Variants in PCDHA3 observed in about 807,000 individuals in gnomAD.
PCDHA3 encodes protocadherin alpha 3, also known as protocadherin alpha-3.
A neutral mutation model predicts 62.2 loss-of-function variants in PCDHA3; 41 were observed. That is an observed-to-expected ratio of 0.66 (90% CI 0.51 to 0.86). The LOEUF (loss-of-function observed/expected upper bound fraction) is 0.86. PCDHA3 is among the 40% of genes least tolerant of loss of function. The probability of loss-of-function intolerance (pLI) is 0.00; values close to 1 mark genes in which losing one functional copy is unlikely to be tolerated. For synonymous variants in PCDHA3, 640 were observed against 555.4 expected (o/e 1.15, Z -2.14); for missense variants, 1,304 against 1,241.2 (o/e 1.05, Z -0.76).
Position 140,807,834 on chromosome 5 carries a change from ATGGAGGCAAACCCGAGT to A in PCDHA3, c.2394+4246_2394+4262del. The A allele has an allele frequency of 1.2e-6, 2 of 1,614,204 alleles. 1 individual carries two copies. The highest frequency in any genetic ancestry group is 4.5e-5 in the East Asian group (2 of 44,888). On this transcript the variant is annotated intron_variant, in intron 1 of 3. Coordinates refer to ENST00000522353, the MANE Select transcript of PCDHA3 (RefSeq NM_018906.3). ...ATTTTTTTAGTGCTCACAGCCACTG[ATGGAGGCAAACCCGAGT>A]TGACTGGCACCGTTCAGTTACTCAT...
chr5:140,858,944 T>TA (rs2045667793), intron 1 of PCDHA3: 1 of 159,332 alleles, frequency 6.3e-6, no homozygotes, highest in Admixed American at 6.4e-5. Context: ...TGTTCAGTGA[T>TA]TACAGCTTTT....
intron 1 of PCDHA3, among the ~76,000 whole-genome samples, chr5:140,837,556 A>G (rs1356770218): frequency 6.6e-6 from 1 of 151,974 alleles, no homozygotes; most frequent in Non-Finnish European, 1.5e-5. Flanking sequence ...GCCAAATTAT[A>G]TAAATATATT....
chr5:140,994,717 A>T (rs1350882833), intron 3 of PCDHA3, among the ~76,000 whole-genome samples: 4 of 152,164 alleles, frequency 2.6e-5, no homozygotes, highest in Admixed American at 6.6e-5. Context: ...AAAAAAATTT[A>T]AAATACTGGG....
chr5:140,898,887 C>T (rs1554188288), intron 1 of PCDHA3, among the ~76,000 whole-genome samples: 1 of 152,028 alleles, frequency 6.6e-6, no homozygotes, highest in Non-Finnish European at 1.5e-5. Context: ...TTGTAGTTCT[C>T]CTTGAAGAGG....
Position 141,009,969 on chromosome 5 carries a change from GT to G in PCDHA3, c.*37del, listed in dbSNP as rs2098415622. On this transcript the variant is annotated 3_prime_UTR_variant, in exon 4 of 4. Coordinates refer to ENST00000522353, the MANE Select transcript of PCDHA3 (RefSeq NM_018906.3). ...CAAATGGAAACAAGCCACTTAGCCA[GT>G]TTTTGTAATAATGGCAAATCTCTCC... 6.3e-7 allele frequency: 1 copy of G among 1,586,478 alleles called. No homozygotes were observed. The highest frequency in any genetic ancestry group is 1.8e-5 in the Admixed American group (1 of 54,174).
rs1272799738 is a variant in PCDHA3 at position 140,969,033 on chromosome 5, T to C, written c.2395-9916T>C. On this transcript the variant is annotated intron_variant, in intron 1 of 3. Coordinates refer to ENST00000522353, the MANE Select transcript of PCDHA3 (RefSeq NM_018906.3). ...GTAAGGGAAAGGTCCCCTGCAGAAC[T>C]GTACAAACAAGCCAACAACAATATT... 5 of 1,614,028 alleles carry C rather than the reference T, an allele frequency of 3.1e-6. No individual in the cohort carries two copies. Among genetic ancestry groups the C allele is most frequent in the Admixed American group, 3.3e-5 (2 of 60,006 alleles).
At chr5:140,832,788 A>C (rs1330713880) in intron 1 of PCDHA3, among the ~76,000 whole-genome samples, 1 of 152,194 alleles carries the variant, frequency 6.6e-6, no homozygotes, top group Non-Finnish European at 1.5e-5. Context: ...AGAAAGGTAC[A>C]TCATAGTGTT....
Position 140,953,939 on chromosome 5 carries a change from A to G in PCDHA3, c.2395-25010A>G, listed in dbSNP as rs544318515. ...TATTCTTCCTGATGCTCTCCCTCCCATTGCTCCCCCAACAGGCCCCAGTGT... is the reference window on the plus strand; with the variant it reads ...TATTCTTCCTGATGCTCTCCCTCCCGTTGCTCCCCCAACAGGCCCCAGTGT... On this transcript the variant is annotated intron_variant, in intron 1 of 3. Coordinates refer to ENST00000522353, the MANE Select transcript of PCDHA3 (RefSeq NM_018906.3). Among the ~76,000 whole-genome samples the G allele has an allele frequency of 2.8e-3, 420 of 151,700 alleles. 4 individuals carry two copies. The highest frequency in any genetic ancestry group is 4.8e-3 in the Non-Finnish European group (324 of 67,900).
intron 1 of PCDHA3, among the ~76,000 whole-genome samples, chr5:140,886,252 C>G (rs1368508838): frequency 6.6e-6 from 1 of 151,858 alleles, no homozygotes; most frequent in Non-Finnish European, 1.5e-5. Flanking sequence ...ATAAAAGTAT[C>G]TCTATTTATA....
intron 1 of PCDHA3, chr5:140,875,264 C>G: frequency 8.4e-7 from 1 of 1,189,324 alleles, no homozygotes; most frequent in Non-Finnish European, 1.1e-6. Flanking sequence ...TGATGTCGCT[C>G]TACACTCAGA....
chr5:140,836,791 G>T (rs780841391), intron 1 of PCDHA3: 4 of 1,417,390 alleles, frequency 2.8e-6, no homozygotes, highest in Non-Finnish European at 2.9e-6. Context: ...TAGTTCAATT[G>T]GTCTCCTTAA....
rs560121926 is a variant in PCDHA3 at position 140,949,352 on chromosome 5, T to A, written c.2395-29597T>A. Among the ~76,000 whole-genome samples, 6 of 151,992 alleles carry A rather than the reference T, an allele frequency of 3.9e-5. No individual in the cohort carries two copies. The South Asian group carries it at 1.2e-3, about 31-fold the overall frequency. On this transcript the variant is annotated intron_variant, in intron 1 of 3. Transcript: ENST00000522353. Reference sequence around the variant, plus strand: ...TTGTTATCCAGATTTTCTGTGTCTTTATTTTTTTGTCTAGTTGTCCTATCA... The same window carrying A: ...TTGTTATCCAGATTTTCTGTGTCTTAATTTTTTTGTCTAGTTGTCCTATCA...
intron 1 of PCDHA3, among the ~76,000 whole-genome samples, chr5:140,909,950 C>T (rs940175754): frequency 1.3e-5 from 2 of 152,168 alleles, no homozygotes; most frequent in African/African-American, 4.8e-5. Flanking sequence ...GGTAAAAAGC[C>T]GTAGGTCTCC....
At chr5:140,852,257 T>G (rs1417638818) in intron 1 of PCDHA3, 1 of 512,112 alleles carries the variant, frequency 2.0e-6, no homozygotes, top group Non-Finnish European at 2.6e-6. Context: ...TTTTGGAATA[T>G]GCTACAATAT....
At chr5:140,884,071 G>C (rs1425122045) in intron 1 of PCDHA3, 7 of 1,613,400 alleles carry the variant, frequency 4.3e-6, no homozygotes, top group African/African-American at 2.7e-5. Context: ...ACGCCGATTC[G>C]GGCTACAATG....
At position 140,846,335 on chromosome 5, in the gene PCDHA3, T is replaced by C. The variant is rs2150387066; in HGVS notation, c.2394+42744T>C. On this transcript the variant is annotated intron_variant, in intron 1 of 3. Transcript: ENST00000522353. The stretch of plus-strand genomic sequence containing the variant: ...ATGTAGAGTGTTGTAAATAGCCTTT[T>C]AAAGTGCTTTCTCTTTTTTCTTTTC... Among the ~76,000 whole-genome samples, 8 of 148,836 alleles carry C rather than the reference T, an allele frequency of 5.4e-5. 1 individual carries two copies. Among genetic ancestry groups the C allele is most frequent in the African/African-American group, 2.0e-4 (8 of 40,850 alleles).
At chr5:140,927,639 G>T in intron 1 of PCDHA3, 11 of 1,614,194 alleles carry the variant, frequency 6.8e-6, no homozygotes, top group Non-Finnish European at 9.3e-6. Flanking sequence ...CACCCAATGG[G>T]ACTGTGTTAT....
At position 140,841,280 on chromosome 5, in the gene PCDHA3, T is replaced by C. The variant is rs2150312554; in HGVS notation, c.2394+37689T>C. Reference sequence around the variant, plus strand: ...CTCTGAAAGTACAGTCGTTCATCTTTATATTAAGATAATATTTTCTGATAG... The same window carrying C: ...CTCTGAAAGTACAGTCGTTCATCTTCATATTAAGATAATATTTTCTGATAG... On this transcript the variant is annotated intron_variant, in intron 1 of 3. Transcript: ENST00000522353. The C allele has an allele frequency of 2.7e-3, 4,162 of 1,542,382 alleles. 127 individuals are homozygous for C. The African/African-American group carries it at 0.05, about 19-fold the overall frequency.
At chr5:140,976,637 A>G (rs781951504) in intron 1 of PCDHA3, among the ~76,000 whole-genome samples, 16 of 152,226 alleles carry the variant, frequency 1.1e-4, no homozygotes, top group Non-Finnish European at 1.5e-4. Flanking sequence ...CAGCAATCAG[A>G]CAAGTAATTT....
Sources: gnomAD v4.1 joint callset for allele counts (sites outside exome capture counted in the v4.1 genomes callset) on GRCh38, gnomAD v4.1.1 for gene constraint, MANE v1.5 for transcripts, NCBI Gene and HGNC (gene_info 2026-07-23, HGNC 2026-07-21) for gene names.